The following TEX11 variants were observed in gnomAD, a reference collection of about 807,000 sequenced individuals.
The protein encoded by TEX11 is testis-expressed protein 11.
Under a neutral mutation model 84.4 loss-of-function variants are expected in TEX11, and 7 were observed. The observed-to-expected ratio is 0.08, with a 90% CI of 0.05 to 0.16. The LOEUF (loss-of-function observed/expected upper bound fraction) is 0.16. TEX11 is among the 10% of genes least tolerant of loss of function. The probability of loss-of-function intolerance (pLI) is 1.00; values close to 1 mark genes in which losing one functional copy is unlikely to be tolerated. For missense variants in TEX11, 551 were observed against 660.5 expected (o/e 0.83, Z 1.82); for synonymous variants, 264 against 222.8 (o/e 1.18, Z -1.64).
intron 25 of TEX11, among the ~76,000 whole-genome samples, chrX:70,572,453 G>C (rs2088613644): frequency 9.0e-6 from 1 of 111,296 alleles, no homozygotes; most frequent in Non-Finnish European, 1.9e-5. Flanking sequence ...CGATTCCTCA[G>C]GGATCTAGAA....
At chrX:70,677,339 G>C (rs2090081074) in intron 15 of TEX11, among the ~76,000 whole-genome samples, 1 of 111,434 alleles carries the variant, frequency 9.0e-6, no homozygotes, top group African/African-American at 3.3e-5. Flanking sequence ...AATGCCCCAT[G>C]AATTAGAGGT....
intron 12 of TEX11, chrX:70,723,969 A>G (rs1215017288): frequency 2.2e-6 from 1 of 450,491 alleles, no homozygotes; most frequent in East Asian, 1.9e-4. Flanking sequence ...CTAATCTGTA[A>G]TCAAACTATG....
intron 11 of TEX11, among the ~76,000 whole-genome samples, chrX:70,733,697 C>T (rs953344800): frequency 4.5e-5 from 5 of 111,757 alleles, no homozygotes; most frequent in Non-Finnish European, 9.4e-5. Context: ...CACTTTTACA[C>T]TACTGGTCGG....
intron 2 of TEX11, 37 bp downstream of exon 2, chrX:70,907,716 T>A: frequency 9.5e-7 from 1 of 1,053,017 alleles, no homozygotes; most frequent in Non-Finnish European, 1.3e-6. Flanking sequence ...AAGCAGCAGT[T>A]TGACACTATT....
intron 2 of TEX11, among the ~76,000 whole-genome samples, chrX:70,900,394 A>AG (rs746234450): frequency 0.029 from 1,761 of 60,399 alleles, 17 homozygotes; most frequent in Non-Finnish European, 0.05. Context: ...AAAAAAAAAA[A>AG]AAAGAAGAAG....
At chrX:70,568,709 T>C (rs2088535857) in intron 25 of TEX11, among the ~76,000 whole-genome samples, 2 of 111,705 alleles carry the variant, frequency 1.8e-5, no homozygotes, top group African/African-American at 6.5e-5. Flanking sequence ...AAAATTCTTT[T>C]CTTTAAGAAT....
intron 20 of TEX11, among the ~76,000 whole-genome samples, chrX:70,618,847 ATAGT>A (rs1236213823): frequency 1.8e-5 from 2 of 111,913 alleles, no homozygotes; most frequent in African/African-American, 6.5e-5. Context: ...CCTTGGAATA[ATAGT>A]TAGAAAGGGA....
chrX:70,860,986 T>C (rs975216062), intron 4 of TEX11, 50 bp from the exon 5 acceptor site: 1 of 842,522 alleles, frequency 1.2e-6, no homozygotes, highest in Non-Finnish European at 1.7e-6. Flanking sequence ...TCATTCTCCT[T>C]TTATATACAC....
At chrX:70,728,266 T>G (rs762667080) in intron 11 of TEX11, among the ~76,000 whole-genome samples, 25 of 112,132 alleles carry the variant, frequency 2.2e-4, no homozygotes, top group Non-Finnish European at 3.8e-4. Context: ...TTTCTGCATT[T>G]CCAACTGAGG....
intron 15 of TEX11, among the ~76,000 whole-genome samples, chrX:70,676,892 A>G (rs1199284868): frequency 1.8e-5 from 2 of 111,877 alleles, no homozygotes; most frequent in South Asian, 3.8e-4. Context: ...TCTCATCCTA[A>G]ACAGAGTTTT....
intron 11 of TEX11, among the ~76,000 whole-genome samples, chrX:70,730,033 C>T (rs1407478666): frequency 1.8e-5 from 2 of 111,719 alleles, no homozygotes; most frequent in African/African-American, 3.3e-5. Context: ...GAATTTTCAA[C>T]CCAAATTTCA....
At chrX:70,673,322 T>C (rs750232277) in intron 15 of TEX11, 91 of 111,204 alleles carry the variant, frequency 8.2e-4, no homozygotes, top group African/African-American at 2.8e-3. Flanking sequence ...CTCCTTTATA[T>C]TGCCCAGGCT....
At chrX:70,616,256 TAAATAG>T (rs2089316584) in intron 20 of TEX11, among the ~76,000 whole-genome samples, 1 of 111,499 alleles carries the variant, frequency 9.0e-6, no homozygotes, top group Admixed American at 9.6e-5. Context: ...GTATAAGATA[TAAATAG>T]AAACAACAAA....
chrX:70,838,675 G>C (rs2091420739), intron 7 of TEX11, among the ~76,000 whole-genome samples: 1 of 112,539 alleles, frequency 8.9e-6, no homozygotes, highest in South Asian at 3.7e-4. Context: ...GCAAGCCAAA[G>C]CAGGGCGAGG....
At chrX:70,687,697 A>G (rs1305369608) in intron 13 of TEX11, among the ~76,000 whole-genome samples, 1 of 110,931 alleles carries the variant, frequency 9.0e-6, no homozygotes, top group Non-Finnish European at 1.9e-5. Flanking sequence ...GAAATAAAGT[A>G]GAGTTATGTG....
chrX:70,849,617 AC>A (rs1346369770), intron 7 of TEX11, among the ~76,000 whole-genome samples: 1 of 111,776 alleles, frequency 8.9e-6, no homozygotes, highest in Non-Finnish European at 1.9e-5. Flanking sequence ...ACCGCTATTA[AC>A]CGCCATTTTA....
At chrX:70,543,810 C>T (rs767141382) in intron 28 of TEX11, among the ~76,000 whole-genome samples, 5 of 111,538 alleles carry the variant, frequency 4.5e-5, no homozygotes, top group Admixed American at 9.5e-5. Context: ...TAGGTGATTT[C>T]GTCATTGTGT....
At chrX:70,811,672 T>A (rs1200835471) in intron 8 of TEX11, among the ~76,000 whole-genome samples, 5 of 110,420 alleles carry the variant, frequency 4.5e-5, no homozygotes, top group Non-Finnish European at 9.5e-5. Context: ...TTTCTCCACA[T>A]CCTCTCCAGC....
At chrX:70,708,576 A>G (rs532686924) in intron 13 of TEX11, among the ~76,000 whole-genome samples, 1 of 112,170 alleles carries the variant, frequency 8.9e-6, no homozygotes, top group South Asian at 3.7e-4. Context: ...GATTGGATAA[A>G]GAAGATGTGG....
Sources: allele counts gnomAD v4.1 joint callset (sites outside exome capture counted in the v4.1 genomes callset), GRCh38; gene constraint gnomAD v4.1.1; transcripts MANE v1.5; gene names NCBI Gene and HGNC (gene_info 2026-07-23, HGNC 2026-07-21).